The following FGF14 variants were observed in gnomAD, a reference collection of about 807,000 sequenced individuals.
FGF14 encodes the protein fibroblast growth factor 14, also known as fibroblast growth factor homologous factor 4.
FGF14 carries 5 observed loss-of-function variants against 25.5 expected under a neutral mutation model. The ratio of observed to expected loss-of-function variants is 0.20; its 90% CI spans 0.10 to 0.41. The LOEUF is 0.41. FGF14 is among the 10% of genes least tolerant of loss of function. FGF14 has a pLI of 1.00. For missense variants in FGF14, 222 were observed against 320.1 expected (o/e 0.69, Z 2.34); for synonymous variants, 138 against 118.3 (o/e 1.17, Z -1.08).
intron 3 of FGF14, among the ~76,000 whole-genome samples, chr13:101,754,372 CTCTA>C (rs769320859): frequency 1.1e-4 from 16 of 152,324 alleles, no homozygotes; most frequent in African/African-American, 1.4e-4. Context: ...TTCCCTGTTG[CTCTA>C]TCTTTGTCAG....
chr13:102,283,953 T>C (rs1439468820), intron 1 of FGF14, among the ~76,000 whole-genome samples: 1 of 152,174 alleles, frequency 6.6e-6, no homozygotes, highest in Non-Finnish European at 1.5e-5. Context: ...TGTCAGTACG[T>C]AGTAGGTAGT....
chr13:102,084,475 ACTTT>A (rs1467652937), intron 1 of FGF14, among the ~76,000 whole-genome samples: 2 of 152,166 alleles, frequency 1.3e-5, no homozygotes, highest in Admixed American at 6.5e-5. Flanking sequence ...TTTATTCCAT[ACTTT>A]CTTTTCCTTT....
intron 1 of FGF14, among the ~76,000 whole-genome samples, chr13:102,070,861 G>A (rs2043124931): frequency 6.6e-6 from 1 of 152,088 alleles, no homozygotes; most frequent in Non-Finnish European, 1.5e-5. Context: ...CATGAATAAT[G>A]CCATGAAGCC....
At chr13:101,856,821 G>A (rs1034829916) in intron 3 of FGF14, among the ~76,000 whole-genome samples, 1 of 151,942 alleles carries the variant, frequency 6.6e-6, no homozygotes, top group African/African-American at 2.4e-5. Flanking sequence ...TCAAAGCTAT[G>A]TCTGAAATAC....
intron 1 of FGF14, among the ~76,000 whole-genome samples, chr13:102,107,143 A>G (rs1478514257): frequency 8.1e-6 from 1 of 123,336 alleles, no homozygotes; most frequent in Non-Finnish European, 2.0e-5. Context: ...TTTTATAAAA[A>G]CCAGTTTGCC....
intron 3 of FGF14, among the ~76,000 whole-genome samples, chr13:101,737,541 AT>A (rs1409000635): frequency 1.3e-5 from 2 of 151,980 alleles, no homozygotes; most frequent in Non-Finnish European, 2.9e-5. Flanking sequence ...CTTTATCAAT[AT>A]TTTCTTTCAT....
intron 1 of FGF14, among the ~76,000 whole-genome samples, chr13:102,061,027 C>G (rs567857681): frequency 6.6e-6 from 1 of 152,178 alleles, no homozygotes; most frequent in South Asian, 2.1e-4. Context: ...GGAGGAGAGC[C>G]CGGCAGCTGA....
At chr13:101,979,989 T>C (rs373660474) in intron 1 of FGF14, among the ~76,000 whole-genome samples, 10 of 152,170 alleles carry the variant, frequency 6.6e-5, no homozygotes, top group African/African-American at 2.4e-4. Flanking sequence ...AGCTGCCCAC[T>C]CTCAGCAGTG....
Position 102,188,913 on chromosome 13 carries a change from C to T in FGF14, c.208+212558G>A, listed in dbSNP as rs1392453619. ...CTGAGACTGCACCACTGCACTCCAG[C>T]CTGAGTGACAGAGTGAGAAAAAAAA... On this transcript the variant is annotated intron_variant, in intron 1 of 4. Coordinates refer to the FGF14 transcript ENST00000376131. Among the ~76,000 whole-genome samples, 3 of 141,354 alleles carry T rather than the reference C, an allele frequency of 2.1e-5. No homozygotes were observed. The Admixed American group carries it at 2.3e-4, about 11-fold the overall frequency. 92.7% of individuals were successfully genotyped at this position (141,354 alleles called of 152,430 possible).
intron 1 of FGF14, among the ~76,000 whole-genome samples, chr13:102,175,892 G>A (rs1033530622): frequency 1.3e-5 from 2 of 151,958 alleles, no homozygotes; most frequent in African/African-American, 4.8e-5. Context: ...AGTCAGAATG[G>A]CTATTATTAA....
intron 1 of FGF14, among the ~76,000 whole-genome samples, chr13:102,336,009 C>T (rs1353314743): frequency 1.3e-5 from 2 of 152,132 alleles, no homozygotes; most frequent in East Asian, 1.9e-4. Flanking sequence ...CTCTCCCCAG[C>T]CCTCTCTATT....
intron 1 of FGF14, among the ~76,000 whole-genome samples, chr13:101,950,567 C>CA (rs1432831806): frequency 5.3e-5 from 8 of 152,128 alleles, no homozygotes; most frequent in Non-Finnish European, 7.4e-5. Context: ...TCAGTAATGT[C>CA]AAACAACTTA....
intron 1 of FGF14, among the ~76,000 whole-genome samples, chr13:102,268,283 C>A (rs988405122): frequency 6.6e-6 from 1 of 151,912 alleles, no homozygotes; most frequent in Non-Finnish European, 1.5e-5. Context: ...TCATAATAAT[C>A]CACACAAAGG....
At chr13:101,906,685 C>T (rs1163374861) in intron 1 of FGF14, among the ~76,000 whole-genome samples, 1 of 152,112 alleles carries the variant, frequency 6.6e-6, no homozygotes, top group Non-Finnish European at 1.5e-5. Context: ...ATTATCATGT[C>T]TATAAATTTG....
intron 1 of FGF14, among the ~76,000 whole-genome samples, chr13:101,993,761 C>G (rs1408293313): frequency 1.3e-5 from 2 of 151,430 alleles, no homozygotes; most frequent in African/African-American, 4.9e-5. Flanking sequence ...CAATTAGAAC[C>G]AGAGAAGGCA....
intron 1 of FGF14, among the ~76,000 whole-genome samples, chr13:101,894,901 A>G (rs1313392368): frequency 6.6e-6 from 1 of 152,186 alleles, no homozygotes; most frequent in Non-Finnish European, 1.5e-5. Flanking sequence ...GCATGGAAAA[A>G]GAAAAAAAAT....
rs41281644 is a variant in FGF14, at chr13:101,722,939, A to G, written c.636T>C (p.His212=). The change falls in exon 5 of 5, where the codon CAT becomes CAC. Residue 212 remains histidine, a synonymous_variant. Coordinates refer to ENST00000376143, the MANE Select transcript of FGF14 (RefSeq NM_004115.4). ...EVAMYREPSL[H]DVGETVPKPG... ...GCTTCGGGACCGTTTCCCCAACATC[A>G]TGCAAAGATGGTTCTCGGTACATGG... The G allele has an allele frequency of 1.6e-3, 2,540 of 1,613,200 alleles. 4 individuals carry two copies. Among genetic ancestry groups the G allele is most frequent in the Non-Finnish European group, 1.9e-3 (2,197 of 1,179,464 alleles).
intron 3 of FGF14, among the ~76,000 whole-genome samples, chr13:101,783,976 T>C (rs12867452): frequency 6.6e-6 from 1 of 152,134 alleles, no homozygotes; most frequent in African/African-American, 2.4e-5. Context: ...TGTTGTTAGG[T>C]TTGTCAAAGA....
intron 1 of FGF14, among the ~76,000 whole-genome samples, chr13:102,218,277 A>G (rs1288277465): frequency 6.6e-6 from 1 of 152,092 alleles, no homozygotes; most frequent in Non-Finnish European, 1.5e-5. Context: ...TGATTTGTTC[A>G]GCAAATATTA....
Sources: gnomAD v4.1 joint callset for allele counts (sites outside exome capture counted in the v4.1 genomes callset) on GRCh38, gnomAD v4.1.1 for gene constraint, MANE v1.5 for transcripts, NCBI Gene and HGNC (gene_info 2026-07-23, HGNC 2026-07-21) for gene names.